Variants in TMEM117 observed in about 807,000 individuals in gnomAD.
The protein encoded by TMEM117 is transmembrane protein 117.
Under a neutral mutation model 52.4 loss-of-function variants are expected in TMEM117, and 27 were observed. The observed-to-expected ratio is 0.51, with a 90% confidence interval of 0.38 to 0.71. The LOEUF is 0.71. TMEM117 is among the 30% of genes least tolerant of loss of function. TMEM117 has a pLI of 0.00. For synonymous variants in TMEM117, 215 were observed against 206.3 expected (o/e 1.04, Z -0.36); for missense variants, 556 against 630.5 (o/e 0.88, Z 1.26).
chr12:44,188,110 A>AT (rs1949302161), intron 4 of TMEM117, among the ~76,000 whole-genome samples: 1 of 152,140 alleles, frequency 6.6e-6, no homozygotes, highest in Non-Finnish European at 1.5e-5. Context: ...TAAACACAAG[A>AT]CTTAAAGATC....
chr12:44,398,216 C>T, the TMEM117 span, among the ~76,000 whole-genome samples: 49 of 151,866 alleles, frequency 3.2e-4, no homozygotes, highest in African/African-American at 1.2e-3. Context: ...GGCCCAATTC[C>T]ACTGCAGGTT....
chr12:44,090,052 G>T lies in TMEM117; in HGVS notation c.411-53473G>T, dbSNP rs371358859. On this transcript the variant is annotated intron_variant, in intron 3 of 7. Transcript: ENST00000266534. ...TGTTTATCCCATACTTGATCAACTA[G>T]ACTATAAATTTCATGAAGACAACCA... Among the ~76,000 whole-genome samples, 14 of 152,076 alleles carry T rather than the reference G, an allele frequency of 9.2e-5. No individual in the cohort carries two copies. The East Asian group carries it at 2.3e-3, about 25-fold the overall frequency.
chr12:44,369,787 A>T (rs1951837755), intron 6 of TMEM117, among the ~76,000 whole-genome samples: 1 of 152,178 alleles, frequency 6.6e-6, no homozygotes, highest in Admixed American at 6.5e-5. Context: ...GAAAGTCTAG[A>T]TTTTTCTCCA....
chr12:44,111,404 G>C (rs1444258955), intron 3 of TMEM117, among the ~76,000 whole-genome samples: 1 of 4,980 alleles, frequency 2.0e-4, no homozygotes. Flanking sequence ...CTGGTATGTG[G>C]TGTCTTTGTT....
At chr12:44,022,178 C>G (rs1440571290) in intron 3 of TMEM117, among the ~76,000 whole-genome samples, 2 of 152,260 alleles carry the variant, frequency 1.3e-5, no homozygotes, top group Non-Finnish European at 1.5e-5. Flanking sequence ...AAGTCAGAAG[C>G]CTTGAGTTTG....
At chr12:43,943,047 G>A (rs1034128364) in intron 2 of TMEM117, among the ~76,000 whole-genome samples, 3 of 151,650 alleles carry the variant, frequency 2.0e-5, no homozygotes, top group South Asian at 2.1e-4. Context: ...GCATGGTGGC[G>A]CATGCCTGTA....
chr12:44,235,072 C>T (rs1949979378), intron 5 of TMEM117, among the ~76,000 whole-genome samples: 1 of 151,424 alleles, frequency 6.6e-6, no homozygotes, highest in Non-Finnish European at 1.5e-5. Flanking sequence ...TAATGGAGTC[C>T]ATTTTTTCTT....
At chr12:43,864,640 C>T (rs188140027) in intron 2 of TMEM117, among the ~76,000 whole-genome samples, 8 of 152,238 alleles carry the variant, frequency 5.3e-5, no homozygotes, top group South Asian at 2.1e-4. Flanking sequence ...TTGTGTCTAG[C>T]TCAGGGATTG....
chr12:43,975,445 G>A (rs1945656619), intron 3 of TMEM117, among the ~76,000 whole-genome samples: 1 of 152,120 alleles, frequency 6.6e-6, no homozygotes, highest in African/African-American at 2.4e-5. Flanking sequence ...TGATTGATGT[G>A]TATCATTTTA....
chr12:43,804,432 A>C, the TMEM117 span: 2 of 1,008,202 alleles, frequency 2.0e-6, no homozygotes, highest in Non-Finnish European at 3.1e-6. Context: ...AACACACAGT[A>C]AGTTTAAAAA....
At chr12:43,871,920 C>G (rs1169775831) in intron 2 of TMEM117, among the ~76,000 whole-genome samples, 3 of 152,080 alleles carry the variant, frequency 2.0e-5, no homozygotes, top group Non-Finnish European at 4.4e-5. Flanking sequence ...GCTCTCTTAC[C>G]TTAAATGGTA....
intron 2 of TMEM117, among the ~76,000 whole-genome samples, chr12:43,915,347 G>C (rs1944583106): frequency 6.6e-6 from 1 of 152,170 alleles, no homozygotes; most frequent in Non-Finnish European, 1.5e-5. Context: ...ACCCTCCTCT[G>C]TGGATCTTGG....
At chr12:44,035,379 G>A (rs776017135) in intron 3 of TMEM117, among the ~76,000 whole-genome samples, 7 of 152,112 alleles carry the variant, frequency 4.6e-5, no homozygotes, top group Non-Finnish European at 1.0e-4. Flanking sequence ...TATTTATTGA[G>A]TGTTACTGTA....
chr12:44,383,074 T>G (rs1952042222), intron 7 of TMEM117, among the ~76,000 whole-genome samples: 1 of 152,166 alleles, frequency 6.6e-6, no homozygotes, highest in South Asian at 2.1e-4. Context: ...CCATGATGGT[T>G]GCTGAATGAC....
chr12:43,812,728 G>A, the TMEM117 span, among the ~76,000 whole-genome samples: 1 of 152,010 alleles, frequency 6.6e-6, no homozygotes, highest in Admixed American at 6.6e-5. Context: ...AGCCGAGGTC[G>A]GGTGCGGTGG....
At chr12:44,201,740 G>A (rs1174033124) in intron 4 of TMEM117, among the ~76,000 whole-genome samples, 1 of 152,118 alleles carries the variant, frequency 6.6e-6, no homozygotes, top group East Asian at 1.9e-4. Flanking sequence ...TATTGGCCAA[G>A]TGTTTTGAAA....
At chr12:44,353,172 G>A (rs1481317901) in intron 6 of TMEM117, among the ~76,000 whole-genome samples, 5 of 152,086 alleles carry the variant, frequency 3.3e-5, no homozygotes, top group African/African-American at 4.8e-5. Context: ...ATTTGTTTGA[G>A]TTCATTGTAG....
chr12:43,979,992 T>C (rs1056661145), intron 3 of TMEM117, among the ~76,000 whole-genome samples: 1 of 152,148 alleles, frequency 6.6e-6, no homozygotes, highest in African/African-American at 2.4e-5. Context: ...TTGATAAGCG[T>C]CAAAAGAAAT....
At chr12:44,054,337 C>T (rs932391619) in intron 3 of TMEM117, among the ~76,000 whole-genome samples, 1 of 152,122 alleles carries the variant, frequency 6.6e-6, no homozygotes, top group Non-Finnish European at 1.5e-5. Context: ...ATTTGAAGAA[C>T]ACCTTGGGGT....
Sources: gnomAD v4.1 joint callset for allele counts (sites outside exome capture counted in the v4.1 genomes callset) on GRCh38, gnomAD v4.1.1 for gene constraint, MANE v1.5 for transcripts, NCBI Gene and HGNC (gene_info 2026-07-23, HGNC 2026-07-21) for gene names.